The following PTPN4 variants were observed in gnomAD, a reference collection of about 807,000 sequenced individuals.
The protein encoded by PTPN4 is protein tyrosine phosphatase non-receptor type 4, also known as tyrosine-protein phosphatase non-receptor type 4.
In PTPN4, 49 loss-of-function variants were observed where a neutral mutation model predicts 135.5. That is an observed-to-expected ratio of 0.36 (90% CI 0.29 to 0.46). The LOEUF (loss-of-function observed/expected upper bound fraction) is 0.46, where lower values mean the gene tolerates loss of function less well. Ranked by LOEUF, PTPN4 falls within the 20% of genes least tolerant of loss-of-function variation. The probability of loss-of-function intolerance (pLI) is 1.00; values close to 1 mark genes in which losing one functional copy is unlikely to be tolerated. For missense variants in PTPN4, 860 were observed against 1,101.0 expected (o/e 0.78, Z 3.10); for synonymous variants, 333 against 369.9 (o/e 0.90, Z 1.14).
intron 1 of PTPN4, among the ~76,000 whole-genome samples, chr2:119,783,090 T>G (rs1299275386): frequency 6.6e-6 from 1 of 151,768 alleles, no homozygotes; most frequent in African/African-American, 2.4e-5. Flanking sequence ...TTGAAATGGG[T>G]GCCCTGTTTT....
At chr2:119,932,378 G>T (rs1411837699) in intron 13 of PTPN4, 46 bp from the exon 14 acceptor site, 1 of 1,482,654 alleles carries the variant, frequency 6.7e-7, no homozygotes, top group East Asian at 2.5e-5. Flanking sequence ...ATGGTTTGGG[G>T]TATAAAAATA....
chr2:119,805,433 T>G (rs939191027), intron 1 of PTPN4, among the ~76,000 whole-genome samples: 1 of 152,214 alleles, frequency 6.6e-6, no homozygotes, highest in Non-Finnish European at 1.5e-5. Context: ...GGTCTAACAT[T>G]TAAGTCTTTA....
rs777418606 is a variant in PTPN4, at chr2:119,839,773, A to G, written c.139-22763A>G. ...CATTACAGGACATATACATTTTGCT[A>G]TATGTTGCAAATATATATATTTGCT... is the stretch of plus-strand genomic sequence containing the variant. On this transcript the variant is annotated intron_variant, in intron 2 of 26. Coordinates refer to ENST00000263708, the MANE Select transcript of PTPN4 (RefSeq NM_002830.4). Among the ~76,000 whole-genome samples, 5 of 152,336 alleles carry G rather than the reference A, an allele frequency of 3.3e-5. 1 individual carries two copies. Among genetic ancestry groups the G allele is most frequent in the South Asian group, 4.1e-4 (2 of 4,830 alleles).
chr2:119,964,805 G>A (rs1479099590), intron 24 of PTPN4, among the ~76,000 whole-genome samples: 1 of 152,148 alleles, frequency 6.6e-6, no homozygotes, highest in Non-Finnish European at 1.5e-5. Context: ...TGGAGAAGAG[G>A]AGTGGTTGGT....
chr2:119,868,798 T>C (rs1431359050), intron 3 of PTPN4, among the ~76,000 whole-genome samples: 1 of 152,234 alleles, frequency 6.6e-6, no homozygotes, highest in African/African-American at 2.4e-5. Flanking sequence ...TGCTAATGAC[T>C]GGCTTGCTGT....
At chr2:119,860,116 C>G (rs192907941) in intron 2 of PTPN4, among the ~76,000 whole-genome samples, 1 of 152,300 alleles carries the variant, frequency 6.6e-6, no homozygotes, top group Non-Finnish European at 1.5e-5. Flanking sequence ...ACCAAAGGTA[C>G]ATTGGATTCA....
rs1678921740 is a variant in PTPN4 at position 119,932,537 on chromosome 2, G to T, written c.1184G>T (p.Gly395Val). The change falls in exon 14 of 27, where the codon GGA (glycine) becomes GTA (valine). Residue 395 changes from glycine (G) to valine (V), a missense_variant. By Grantham distance (109) the Gly-to-Val change is moderately radical (BLOSUM62 -3). Coordinates refer to ENST00000263708, the MANE Select transcript of PTPN4 (RefSeq NM_002830.4). ...AGTCTTCCATCACGATCTCCACCGG[G>T]AACTCCTAATCAGTAAGTGTGAATT... ...TQSLPSRSPP[G>V]TPNHRNSTFT... The T allele has an allele frequency of 4.3e-6, 7 of 1,609,554 alleles. No homozygotes were observed. Among genetic ancestry groups the T allele is most frequent in the Non-Finnish European group, 5.9e-6 (7 of 1,177,906 alleles).
rs779935545 is a variant in PTPN4 at position 119,945,238 on chromosome 2, A to G, written c.1513A>G (p.Thr505Ala). The change falls in exon 16 of 27, where the codon ACT becomes GCT. Residue 505 changes from threonine to alanine, a missense_variant and splice_region_variant. This residue lies in a region of PTPN4 where 684 missense variants were observed against 807.0 expected (regional missense o/e 0.85). Coordinates refer to ENST00000263708, the MANE Select transcript of PTPN4 (RefSeq NM_002830.4). Reference protein sequence around the residue: ...FDIPSSPEKPTPNGGIPHDNL... With the variant: ...FDIPSSPEKPAPNGGIPHDNL... ...TATTCCATCTTCTCCTGAAAAACCCACTGTAAGTAGCTTCTTCAGATATTC... is the reference window on the plus strand; with the variant it reads ...TATTCCATCTTCTCCTGAAAAACCCGCTGTAAGTAGCTTCTTCAGATATTC... 3.2e-6 allele frequency: 5 copies of G among 1,540,890 alleles called. No individual in the cohort carries two copies. The East Asian group carries it at 9.8e-5, about 30-fold the overall frequency.
chr2:119,894,290 C>G (rs573172299), intron 9 of PTPN4, among the ~76,000 whole-genome samples: 2 of 152,312 alleles, frequency 1.3e-5, no homozygotes, highest in South Asian at 4.1e-4. Flanking sequence ...GAAAGGAACT[C>G]TTTTCTCAGA....
intron 2 of PTPN4, among the ~76,000 whole-genome samples, chr2:119,837,967 C>T (rs1368289764): frequency 2.6e-5 from 4 of 152,242 alleles, no homozygotes; most frequent in African/African-American, 4.8e-5. Context: ...CTCGCTGCTC[C>T]GCGCCTGACT....
rs556859142 is a variant in PTPN4, at chr2:119,862,312, C to T, written c.139-224C>T. ...GTATGAAAACAGTTACCAAGTTAAC[C>T]CATTTATGCCTAGTGCTCCATTATT... On this transcript the variant is annotated intron_variant, in intron 2 of 26. Coordinates refer to ENST00000263708, the MANE Select transcript of PTPN4 (RefSeq NM_002830.4). Among the ~76,000 whole-genome samples, 7 of 152,130 alleles carry T rather than the reference C, an allele frequency of 4.6e-5. No homozygotes were observed. In the South Asian group the frequency reaches 1.5e-3, roughly 32 times the overall value.
At chr2:119,920,456 A>G (rs1299623434) in intron 12 of PTPN4, among the ~76,000 whole-genome samples, 1 of 152,046 alleles carries the variant, frequency 6.6e-6, no homozygotes, top group Non-Finnish European at 1.5e-5. Context: ...TGTGTTCTGT[A>G]TTTGCTGTCA....
intron 13 of PTPN4, among the ~76,000 whole-genome samples, chr2:119,930,041 C>A (rs1304221803): frequency 6.6e-6 from 1 of 152,018 alleles, no homozygotes; most frequent in East Asian, 1.9e-4. Flanking sequence ...AAGTTTTATG[C>A]ATGAGGTAAT....
chr2:119,842,287 C>T (rs1220819729), intron 2 of PTPN4, among the ~76,000 whole-genome samples: 1 of 152,178 alleles, frequency 6.6e-6, no homozygotes, highest in African/African-American at 2.4e-5. Flanking sequence ...CAATAAAAGT[C>T]TTCAAATTAA....
intron 1 of PTPN4, among the ~76,000 whole-genome samples, chr2:119,777,678 A>G (rs1024757058): frequency 6.6e-6 from 1 of 152,162 alleles, no homozygotes; most frequent in Non-Finnish European, 1.5e-5. Context: ...TTTTAGAGAT[A>G]GGGTCTTGCT....
At chr2:119,969,872 A>G (rs1679503572) in intron 26 of PTPN4, among the ~76,000 whole-genome samples, 1 of 151,776 alleles carries the variant, frequency 6.6e-6, no homozygotes, top group South Asian at 2.1e-4. Context: ...ATTTGTTAAT[A>G]TTATCAAATT....
intron 1 of PTPN4, among the ~76,000 whole-genome samples, chr2:119,767,410 A>T (rs560965482): frequency 6.6e-6 from 1 of 152,228 alleles, no homozygotes. Context: ...TTTAGTGTGT[A>T]TTTAGCAAAA....
At chr2:119,827,254 C>A (rs976776605) in intron 2 of PTPN4, among the ~76,000 whole-genome samples, 6 of 152,258 alleles carry the variant, frequency 3.9e-5, no homozygotes, top group African/African-American at 1.4e-4. Flanking sequence ...ATTCACAAAT[C>A]TTTTATCACC....
chr2:119,955,159 G>T lies in PTPN4; in HGVS notation c.1816G>T (p.Val606Leu), dbSNP rs778940180. The T allele has an allele frequency of 1.3e-6, 2 of 1,588,894 alleles. No homozygotes were observed. Among genetic ancestry groups the T allele is most frequent in the Non-Finnish European group, 1.7e-6 (2 of 1,171,596 alleles). The change falls in exon 20 of 27, where the codon GTA becomes TTA. Residue 606 changes from valine to leucine, a missense_variant and splice_region_variant. Transcript: ENST00000263708. ...ELMLLVRPNA[V>L]YDVVEEKLEN... Reference sequence around the variant, plus strand: ...TTTGTTTGATTTTTTTTTTTTAGCTGTATATGATGTAGTGGAAGAAAAGCT... The same window carrying T: ...TTTGTTTGATTTTTTTTTTTTAGCTTTATATGATGTAGTGGAAGAAAAGCT...
Sources: gnomAD v4.1 joint callset for allele counts (sites outside exome capture counted in the v4.1 genomes callset) on GRCh38, gnomAD v4.1.1 for gene constraint, gnomAD v4.1.1 regional missense constraint, MANE v1.5 for transcripts, NCBI Gene and HGNC (gene_info 2026-07-23, HGNC 2026-07-21) for gene names.